The following MYH3 variants were observed in gnomAD, a reference collection of about 807,000 sequenced individuals.
MYH3 encodes the protein myosin heavy chain 3, also known as myosin-3.
Under a neutral mutation model 238.0 loss-of-function variants are expected in MYH3, and 130 were observed. The ratio of observed to expected loss-of-function variants is 0.55; its 90% confidence interval spans 0.47 to 0.63. MYH3 has a LOEUF of 0.63. Ranked by LOEUF, MYH3 falls within the 30% of genes least tolerant of loss-of-function variation. The pLI is 0.00. For synonymous variants in MYH3, 880 were observed against 924.1 expected, an observed-to-expected ratio of 0.95 and a Z score of 0.86; for missense variants, 1,853 against 2,374.9, an observed-to-expected ratio of 0.78 and a Z score of 4.57.
the MYH3 span, among the ~76,000 whole-genome samples, chr17:10,672,096 T>C: frequency 6.6e-6 from 1 of 152,214 alleles, no homozygotes; most frequent in Non-Finnish European, 1.5e-5. Flanking sequence ...AGGCTCATTC[T>C]GAACCTCCAG....
Position 10,638,592 on chromosome 17 carries a change from A to G in MYH3, c.3340-160T>C, listed in dbSNP as rs930812473. The stretch of plus-strand genomic sequence containing the variant: ...CTTTCACAGGAATTTTTTCTGCCCC[A>G]ACATGGTAATTACTCCTGCAGTGAC... On this transcript the variant is annotated intron_variant, in intron 26 of 40. Transcript: ENST00000583535. Among the ~76,000 whole-genome samples, 14 of 152,180 alleles carry G rather than the reference A, an allele frequency of 9.2e-5. 1 individual carries two copies. Among genetic ancestry groups the G allele is most frequent in the Admixed American group, 8.5e-4 (13 of 15,274 alleles).
chr17:10,648,450 GT>G, intron 8 of MYH3, 106 bp downstream of exon 8: 1 of 958,028 alleles, frequency 1.0e-6, no homozygotes, highest in Non-Finnish European at 1.7e-6. Context: ...GGGTTGTTTT[GT>G]TTTTCATCAT....
intron 30 of MYH3, 108 bp from the exon 31 acceptor site, chr17:10,635,131 G>T: frequency 1.5e-6 from 2 of 1,375,038 alleles, no homozygotes; most frequent in Non-Finnish European, 2.0e-6. Flanking sequence ...ACACCCATGT[G>T]TTTTTATACG....
intron 29 of MYH3, 30 bp downstream of exon 29, chr17:10,635,705 G>T: frequency 6.2e-7 from 1 of 1,612,096 alleles, no homozygotes; most frequent in Non-Finnish European, 8.5e-7. Context: ...TTAAAAATAA[G>T]GGCAAAGAAG....
chr17:10,671,407 C>A, the MYH3 span, among the ~76,000 whole-genome samples: 6 of 152,088 alleles, frequency 3.9e-5, no homozygotes, highest in Non-Finnish European at 8.8e-5. Context: ...CCATCGCTTT[C>A]CATGTGAGAG....
chr17:10,656,162 C>G lies in MYH3; in HGVS notation c.-67-14G>C, dbSNP rs909301271. ...GAGATCCCAGACCTGGAAGAATATG[C>G]ACATACACAACTTAGCGGCACTTGG... On this transcript the variant is annotated splice_polypyrimidine_tract_variant and intron_variant, in intron 1 of 40. Transcript: ENST00000583535. The G allele has an allele frequency of 6.6e-6, 1 of 152,276 alleles. No homozygotes were observed. Among genetic ancestry groups the G allele is most frequent in the Non-Finnish European group, 1.5e-5 (1 of 68,102 alleles). 9.4% of individuals were successfully genotyped at this position (152,276 alleles called of 1,614,324 possible).
chr17:10,656,363 T>C (rs2074430332), intron 1 of MYH3, among the ~76,000 whole-genome samples: 1 of 152,056 alleles, frequency 6.6e-6, no homozygotes, highest in Non-Finnish European at 1.5e-5. Context: ...CCTTCTCTAC[T>C]AAAAATAAAA....
At chr17:10,670,521 CT>C in the MYH3 span, among the ~76,000 whole-genome samples, 2 of 152,094 alleles carry the variant, frequency 1.3e-5, no homozygotes, top group Non-Finnish European at 1.5e-5. This position sits in a 1 kb window ranked among gnomAD's most constrained non-coding sequence, Gnocchi z 7.0. Flanking sequence ...GTTGCCCAGG[CT>C]TGTTTTGAAC....
intron 17 of MYH3, among the ~76,000 whole-genome samples, chr17:10,641,607 T>C (rs1324624582): frequency 1.3e-5 from 2 of 148,676 alleles, no homozygotes; most frequent in Admixed American, 6.8e-5. Context: ...CTCCTCCTCC[T>C]AGGTTCAAGC....
rs1218392220 is a variant in MYH3, at chr17:10,654,500, A to C, written c.204+361T>G. Among the ~76,000 whole-genome samples the C allele has an allele frequency of 2.0e-5, 3 of 152,228 alleles. No individual in the cohort carries two copies. The highest frequency in any genetic ancestry group is 4.4e-5 in the Non-Finnish European group (3 of 68,044). On this transcript the variant is annotated intron_variant, in intron 3 of 40. Transcript: ENST00000583535. This position sits in a 1 kb window ranked among gnomAD's most constrained non-coding sequence, Gnocchi z 4.5. ...GCCATTGATAGAATAATTTGGGACAAATCTAGGCTACCAAAGGAGAGTGTT... is the reference window on the plus strand; with the variant it reads ...GCCATTGATAGAATAATTTGGGACACATCTAGGCTACCAAAGGAGAGTGTT...
chr17:10,655,416 G>A (rs2239930), intron 2 of MYH3, among the ~76,000 whole-genome samples: 96,219 of 152,112 alleles, frequency 0.63, 32,252 homozygotes, highest in Non-Finnish European at 0.77. Context: ...ACAACCAGGT[G>A]TTGCTGAGGG....
rs775885050 is a variant in MYH3 at position 10,635,414 on chromosome 17, T to G, written c.4125A>C (p.Lys1375Asn). Residue 1375 changes from lysine to asparagine, a missense_variant, in exon 30 of 41, where the codon AAA (lysine) becomes AAC (asparagine). Lys to Asn is a moderately conservative substitution (Grantham distance 94). Transcript: ENST00000583535. ...TGCGCTGGATGGCGTCCGTCTCGTATTTGGTTCTCCACTGGGCAACCTCAC... is the reference window on the plus strand; with the variant it reads ...TGCGCTGGATGGCGTCCGTCTCGTAGTTGGTTCTCCACTGGGCAACCTCAC... ...ANSEVAQWRT[K>N]YETDAIQRTE... 6 of 1,613,958 alleles carry G rather than the reference T, an allele frequency of 3.7e-6. No homozygotes were observed. Among genetic ancestry groups the G allele is most frequent in the Non-Finnish European group, 5.1e-6 (6 of 1,179,906 alleles).
At chr17:10,641,401 A>G (rs369668738) in intron 17 of MYH3, 29 bp from the exon 18 acceptor site, 81 of 1,507,146 alleles carry the variant, frequency 5.4e-5, no homozygotes, top group Non-Finnish European at 7.2e-5. Context: ...GACATTTGCC[A>G]TCCTACTGTA....
Position 10,628,646 on chromosome 17 carries a change from G to A in MYH3, c.*7C>T. On this transcript the variant is annotated 3_prime_UTR_variant, in exon 41 of 41. Coordinates refer to ENST00000583535, the MANE Select transcript of MYH3 (RefSeq NM_002470.4). ...CATATCTTCTGTCCTGCTCCAGAAG[G>A]GCTGGCTCACTCTTCACTCTCGTGG... 1 of 1,614,100 alleles carries A rather than the reference G, an allele frequency of 6.2e-7. No individual in the cohort carries two copies. Among genetic ancestry groups the A allele is most frequent in the Non-Finnish European group, 8.5e-7 (1 of 1,179,976 alleles).
At position 10,633,540 on chromosome 17, in the gene MYH3, C is replaced by T. The variant is rs760291583; in HGVS notation, c.4647+51G>A. ...GCATGGAGCAGCCAGCCTCCCTGGC[C>T]GTGGCTCACCATGGCTGCATCTGCG... On this transcript the variant is annotated intron_variant, in intron 33 of 40. Transcript: ENST00000583535. The T allele has an allele frequency of 6.0e-5, 96 of 1,607,868 alleles. No individual in the cohort carries two copies. In the Middle Eastern group the frequency reaches 1.4e-3, roughly 23 times the overall value.
Position 10,648,632 on chromosome 17 carries a change from T to C in MYH3, c.660A>G (p.Gln220=). 6.2e-7 allele frequency: 1 copy of C among 1,613,974 alleles called. No homozygotes were observed. The highest frequency in any genetic ancestry group is 1.7e-5 in the Admixed American group (1 of 60,002). The change falls in exon 8 of 41, where the codon CAA becomes CAG. Residue 220 remains glutamine (Q), a synonymous_variant. Transcript: ENST00000583535. ...DSKMKGTLED[Q]IISANPLLEA... ...CCAGCAGGGGATTGGCACTGATGAT[T>C]TGATCTTCCAGAGTCCCCTAATGCA...
intron 28 of MYH3, among the ~76,000 whole-genome samples, chr17:10,636,189 T>C (rs2074213705): frequency 2.1e-5 from 3 of 146,110 alleles, no homozygotes; most frequent in Admixed American, 1.4e-4. Context: ...GGCGTGGTCA[T>C]GGGCACCTGT....
At chr17:10,641,689 T>C (rs1275027785) in intron 17 of MYH3, among the ~76,000 whole-genome samples, 1 of 151,998 alleles carries the variant, frequency 6.6e-6, no homozygotes, top group Non-Finnish European at 1.5e-5. Flanking sequence ...TAATTTTTCA[T>C]ATGTTTAATG....
chr17:10,665,497 G>A, the MYH3 span, among the ~76,000 whole-genome samples: 1 of 152,112 alleles, frequency 6.6e-6, no homozygotes, highest in African/African-American at 2.4e-5. Flanking sequence ...TTCAAACCTG[G>A]CTATCCCTTA....
Sources: allele counts gnomAD v4.1 joint callset (sites outside exome capture counted in the v4.1 genomes callset), GRCh38; gene constraint gnomAD v4.1.1; non-coding constraint Gnocchi (gnomAD v3.1); transcripts MANE v1.5; gene names NCBI Gene and HGNC (gene_info 2026-07-23, HGNC 2026-07-21).